Variants in KLHL42 observed in about 807,000 individuals in gnomAD.
The protein encoded by KLHL42 is kelch-like protein 42.
Under a neutral mutation model 32.7 loss-of-function variants are expected in KLHL42, and 27 were observed. The ratio of observed to expected loss-of-function variants is 0.83; its 90% CI spans 0.61 to 1.14. The LOEUF (loss-of-function observed/expected upper bound fraction) is 1.14, where lower values mean the gene tolerates loss of function less well. KLHL42 is among the 50% of genes most tolerant of loss of function. KLHL42 has a pLI of 0.00. For missense variants in KLHL42, 491 were observed against 560.8 expected, an observed-to-expected ratio of 0.88 and a Z score of 1.26; for synonymous variants, 267 against 248.2, an observed-to-expected ratio of 1.08 and a Z score of -0.71.
rs984222858 is a variant in KLHL42 at position 27,781,331 on chromosome 12, G to A, written c.872+129G>A. 4.3e-6 allele frequency: 5 copies of A among 1,165,758 alleles called. No homozygotes were observed. The African/African-American group carries it at 4.6e-5, about 11-fold the overall frequency. The allele number at this position is 1,165,758 out of a possible 1,614,324, so 72.2% of individuals were successfully genotyped here. On this transcript the variant is annotated intron_variant, in intron 1 of 2. Coordinates refer to ENST00000381271, the MANE Select transcript of KLHL42 (RefSeq NM_020782.2). ...TGGTGGAAATGACATCTTCAGGAAT[G>A]TTGTTGGCCTTGGCGCTGGCAAAAT...
chr12:27,793,060 T>G (rs1246282923), intron 2 of KLHL42, among the ~76,000 whole-genome samples: 1 of 152,156 alleles, frequency 6.6e-6, no homozygotes, highest in African/African-American at 2.4e-5. Context: ...TGCCAGCAAG[T>G]TTTATACTGC....
Position 27,782,650 on chromosome 12 carries a change from C to T in KLHL42, c.872+1448C>T, listed in dbSNP as rs139685627. 4.0e-3 allele frequency among the ~76,000 whole-genome samples: 615 copies of T among 152,252 alleles called. 1 individual carries two copies. Among genetic ancestry groups the T allele is most frequent in the Admixed American group, 9.0e-3 (137 of 15,300 alleles). On this transcript the variant is annotated intron_variant, in intron 1 of 2. Coordinates refer to ENST00000381271, the MANE Select transcript of KLHL42 (RefSeq NM_020782.2). ...CTCTTGCATTCCTCTAGCTACACAT[C>T]ATTTGGTGCTCACCAGGCCATCCTT...
At position 27,791,916 on chromosome 12, in the gene KLHL42, C is replaced by T. The variant is rs2062199004; in HGVS notation, c.1066+15C>T. On this transcript the variant is annotated intron_variant, in intron 2 of 2. Coordinates refer to ENST00000381271, the MANE Select transcript of KLHL42 (RefSeq NM_020782.2). ...CACTACCAGAGGTAAGTGAAGGGAC[C>T]AGGTAGGTGGTCTGCCCATGTGTAG... 1.2e-6 allele frequency: 2 copies of T among 1,612,270 alleles called. No individual in the cohort carries two copies. Among genetic ancestry groups the T allele is most frequent in the Non-Finnish European group, 1.7e-6 (2 of 1,179,052 alleles).
At chr12:27,790,732 A>T (rs1482056357) in intron 1 of KLHL42, among the ~76,000 whole-genome samples, 1 of 152,168 alleles carries the variant, frequency 6.6e-6, no homozygotes, top group Non-Finnish European at 1.5e-5. Context: ...ATATGTAAAG[A>T]CCCTAAGAAT....
In KLHL42 at chr12:27,780,466, G is replaced by A. The variant is rs1158827392; in HGVS notation, c.136G>A (p.Ala46Thr). 6.5e-7 allele frequency: 1 copy of A among 1,544,828 alleles called. No homozygotes were observed. The highest frequency in any genetic ancestry group is 1.4e-5 in the African/African-American group (1 of 71,664). ...CATGCGCGAGGCCCTGAGCCAGGAG[G>A]CCGGCGGCCCGGAGGTGCAGCAGCT... ...SGMREALSQE[A>T]GGPEVQQLRG... Residue 46 changes from alanine to threonine, a missense_variant, in exon 1 of 3, where the codon GCC (alanine) becomes ACC (threonine). Ala to Thr is a moderately conservative substitution (Grantham distance 58). This residue lies in a region of KLHL42 where 88 missense variants were observed against 89.0 expected (regional missense o/e 0.99). Coordinates refer to ENST00000381271, the MANE Select transcript of KLHL42 (RefSeq NM_020782.2). The surrounding 1 kb of genome is among the most constrained non-coding windows in gnomAD (Gnocchi z 8.8).
In KLHL42 at chr12:27,799,952, A is replaced by G. The variant is rs1447063085; in HGVS notation, c.*1786A>G. ...AAAACCTCTGAACCAAAATCTTCCC[A>G]GGAATAGTACTTAATAGATTTTAAT... On this transcript the variant is annotated 3_prime_UTR_variant, in exon 3 of 3. Transcript: ENST00000381271. 2 of 901,734 alleles carry G rather than the reference A, an allele frequency of 2.2e-6. No homozygotes were observed. Among genetic ancestry groups the G allele is most frequent in the Non-Finnish European group, 2.7e-6 (2 of 753,794 alleles). 55.9% of individuals were successfully genotyped at this position (901,734 alleles called of 1,614,324 possible). A position where few individuals can be genotyped will look rare whatever the true frequency, so the allele number is the denominator to read the frequency against.
Position 27,800,233 on chromosome 12 carries a change from A to G in KLHL42, c.*2067A>G, listed in dbSNP as rs957268884. On this transcript the variant is annotated 3_prime_UTR_variant, in exon 3 of 3. Transcript: ENST00000381271. ...CAACCAGTTAATTCTCTTCCTGGTT[A>G]CATTCATTGGGTCTATTTGCCTAAT... The G allele has an allele frequency of 3.8e-5, 37 of 985,244 alleles. No homozygotes were observed. The highest frequency in any genetic ancestry group is 1.9e-5 in the Non-Finnish European group (16 of 829,888). The allele number at this position is 985,244 out of a possible 1,614,324, so 61.0% of individuals were successfully genotyped here.
chr12:27,788,752 G>A (rs1395704798), intron 1 of KLHL42, among the ~76,000 whole-genome samples: 2 of 152,166 alleles, frequency 1.3e-5, no homozygotes, highest in African/African-American at 2.4e-5. Context: ...AAATTCAATT[G>A]TGGTTTTATC....
At chr12:27,797,353 AT>A (rs2062223649) in intron 2 of KLHL42, 1 of 470,464 alleles carries the variant, frequency 2.1e-6, no homozygotes, top group Admixed American at 2.3e-5. Context: ...GTAGTCGGTA[AT>A]TTTGTAGCTA....
chr12:27,802,422 GT>G lies in KLHL42; in HGVS notation c.*4257del, dbSNP rs1245195592. On this transcript the variant is annotated 3_prime_UTR_variant, in exon 3 of 3. Coordinates refer to ENST00000381271, the MANE Select transcript of KLHL42 (RefSeq NM_020782.2). ...ATTCCACACTAGTACTGATGAAAAG[GT>G]GGTTGATTTTGCCTTGTGATAATTA... The G allele has an allele frequency of 5.9e-5, 9 of 152,428 alleles. No individual in the cohort carries two copies. Among genetic ancestry groups the G allele is most frequent in the Non-Finnish European group, 1.3e-4 (9 of 68,028 alleles). The allele number at this position is 152,428 out of a possible 1,614,324, so 9.4% of individuals were successfully genotyped here.
intron 1 of KLHL42, among the ~76,000 whole-genome samples, 178 bp from the exon 2 acceptor site, chr12:27,791,530 G>A (rs2062196912): frequency 6.6e-6 from 1 of 152,170 alleles, no homozygotes; most frequent in Non-Finnish European, 1.5e-5. Context: ...GGAATCTTGG[G>A]GACAGGAGTG....
At chr12:27,785,673 G>C (rs148757008) in intron 1 of KLHL42, among the ~76,000 whole-genome samples, 56 of 151,936 alleles carry the variant, frequency 3.7e-4, no homozygotes, top group African/African-American at 1.3e-3. Flanking sequence ...CACATTCCCC[G>C]ACTTGAATTG....
chr12:27,796,928 A>G (rs543095853), intron 2 of KLHL42, among the ~76,000 whole-genome samples: 2 of 152,260 alleles, frequency 1.3e-5, no homozygotes, highest in Non-Finnish European at 2.9e-5. Context: ...ATGAGACACC[A>G]TGCTTGGCCG....
In KLHL42 at chr12:27,799,127, TCTTAG is replaced by T. The variant is rs1431012000; in HGVS notation, c.*965_*969del. 1.3e-5 allele frequency: 2 copies of T among 152,726 alleles called. No homozygotes were observed. The highest frequency in any genetic ancestry group is 2.4e-5 in the African/African-American group (1 of 41,592). The allele number at this position is 152,726 out of a possible 1,614,324, so 9.5% of individuals were successfully genotyped here. A position where few individuals can be genotyped will look rare whatever the true frequency, so the allele number is the denominator to read the frequency against. ...TTAAGTCGGCAGCTTTCTAATTTAA[TCTTAG>T]CTTTGTAATTCATGTTTTGCTTTTG... On this transcript the variant is annotated 3_prime_UTR_variant, in exon 3 of 3. Coordinates refer to ENST00000381271, the MANE Select transcript of KLHL42 (RefSeq NM_020782.2).
chr12:27,787,135 C>T (rs2062175710), intron 1 of KLHL42, among the ~76,000 whole-genome samples: 1 of 152,150 alleles, frequency 6.6e-6, no homozygotes, highest in African/African-American at 2.4e-5. Context: ...GTGTGCAACA[C>T]TGCCTGATGG....
At chr12:27,787,653 C>T (rs35946462) in intron 1 of KLHL42, 35,993 of 152,168 alleles carry the variant, frequency 0.24, 5,313 homozygotes, top group South Asian at 0.42. Context: ...TGCACTTTAG[C>T]TCTGAAAATG....
At position 27,798,177 on chromosome 12, in the gene KLHL42, T is replaced by C. The variant is rs1213675392; in HGVS notation, c.*11T>C. 4 of 762,990 alleles carry C rather than the reference T, an allele frequency of 5.2e-6. No homozygotes were observed. The highest frequency in any genetic ancestry group is 9.7e-6 in the Non-Finnish European group (4 of 410,646). 47.3% of individuals were successfully genotyped at this position (762,990 alleles called of 1,614,324 possible). On this transcript the variant is annotated 3_prime_UTR_variant, in exon 3 of 3. Coordinates refer to ENST00000381271, the MANE Select transcript of KLHL42 (RefSeq NM_020782.2). ...AAAGCAGAAACATGACTGAATTGAA[T>C]TGGTAGATGAAAAAAACCTGGTTCA... is the stretch of plus-strand genomic sequence containing the variant.
rs1379067518 is a variant in KLHL42 at position 27,801,437 on chromosome 12, A to G, written c.*3271A>G. Reference sequence around the variant, plus strand: ...TGGCCAAAGACGTAAATTGAGAGGAAAGGCCTTGGTCTTCCTGATCAACCA... The same window carrying G: ...TGGCCAAAGACGTAAATTGAGAGGAGAGGCCTTGGTCTTCCTGATCAACCA... On this transcript the variant is annotated 3_prime_UTR_variant, in exon 3 of 3. Coordinates refer to ENST00000381271, the MANE Select transcript of KLHL42 (RefSeq NM_020782.2). 3.3e-5 allele frequency: 5 copies of G among 152,244 alleles called. No individual in the cohort carries two copies. The East Asian group carries it at 9.6e-4, about 29-fold the overall frequency. 9.4% of individuals were successfully genotyped at this position (152,244 alleles called of 1,614,324 possible).
At chr12:27,793,348 T>C (rs370172095) in intron 2 of KLHL42, among the ~76,000 whole-genome samples, 1 of 151,752 alleles carries the variant, frequency 6.6e-6, no homozygotes, top group East Asian at 1.9e-4. Context: ...AAGATAGGCC[T>C]GGTCAACACA....
Sources: gnomAD v4.1 joint callset for allele counts (sites outside exome capture counted in the v4.1 genomes callset) on GRCh38, gnomAD v4.1.1 for gene constraint, gnomAD v4.1.1 regional missense constraint, Gnocchi (gnomAD v3.1) non-coding constraint, MANE v1.5 for transcripts, NCBI Gene and HGNC (gene_info 2026-07-23, HGNC 2026-07-21) for gene names.